ADAMTS3: variants seen among roughly 807,000 people sequenced by gnomAD.
The protein encoded by ADAMTS3 is A disintegrin and metalloproteinase with thrombospondin motifs 3.
ADAMTS3 carries 73 observed loss-of-function variants against 129.0 expected under a neutral mutation model. The ratio of observed to expected loss-of-function variants is 0.57; its 90% CI spans 0.47 to 0.69. The LOEUF is 0.69. ADAMTS3 is among the 30% of genes least tolerant of loss of function. The probability of loss-of-function intolerance (pLI) is 0.00; values close to 1 mark genes in which losing one functional copy is unlikely to be tolerated. For synonymous variants in ADAMTS3, 477 were observed against 510.8 expected (o/e 0.93, Z 0.89); for missense variants, 1,457 against 1,514.5 (o/e 0.96, Z 0.63).
At position 72,298,435 on chromosome 4, in the gene ADAMTS3, G is replaced by C. The variant is rs1293637413; in HGVS notation, c.2432C>G (p.Pro811Arg). 1 of 1,597,480 alleles carries C rather than the reference G, an allele frequency of 6.3e-7. No individual in the cohort carries two copies. Among genetic ancestry groups the C allele is most frequent in the Non-Finnish European group, 8.6e-7 (1 of 1,169,548 alleles). The change falls in exon 18 of 22, where the codon CCT becomes CGT. Residue 811 changes from proline (P) to arginine (R), a missense_variant. Pro to Arg is a moderately radical substitution (Grantham distance 103). Transcript: ENST00000286657. ...GCTAGAGCGGGTATCATTTTCTTGAGGTATAATCTAACATACACATGAAAT... is the reference window on the plus strand; with the variant it reads ...GCTAGAGCGGGTATCATTTTCTTGACGTATAATCTAACATACACATGAAAT... Reference protein sequence around the residue: ...LHDPVIVLIIPQENDTRSSLT... With the variant: ...LHDPVIVLIIRQENDTRSSLT...
chr4:72,291,155 G>C, intron 19 of ADAMTS3, 93 bp from the exon 20 acceptor site: 1 of 1,375,342 alleles, frequency 7.3e-7, no homozygotes, highest in Non-Finnish European at 1.0e-6. Context: ...TGCTCTCTAA[G>C]TGACTTGCAA....
At chr4:72,386,212 A>G (rs985242407) in intron 4 of ADAMTS3, among the ~76,000 whole-genome samples, 2 of 152,196 alleles carry the variant, frequency 1.3e-5, no homozygotes, top group African/African-American at 4.8e-5. Flanking sequence ...TCCTAAAATC[A>G]GTAACCAAAA....
chr4:72,409,763 TAA>T (rs1303397285), intron 4 of ADAMTS3, among the ~76,000 whole-genome samples: 2 of 152,198 alleles, frequency 1.3e-5, no homozygotes, highest in African/African-American at 4.8e-5. Context: ...TTTTATGTAA[TAA>T]GTCAATCTTC....
Position 72,309,678 on chromosome 4 carries a change from A to T in ADAMTS3, c.2056-158T>A, listed in dbSNP as rs113667758. Among the ~76,000 whole-genome samples, 253 of 151,862 alleles carry T rather than the reference A, an allele frequency of 1.7e-3. 4 individuals are homozygous for T. The highest frequency in any genetic ancestry group is 4.7e-3 in the African/African-American group (194 of 41,446). ...ATAATTTTTAATACCTCAGTTTTTT[A>T]AAAAAAATAATGGGAAACCAAATGA... On this transcript the variant is annotated intron_variant, in intron 14 of 21. Transcript: ENST00000286657.
chr4:72,446,071 A>C (rs992301701), intron 3 of ADAMTS3, among the ~76,000 whole-genome samples: 7 of 151,680 alleles, frequency 4.6e-5, no homozygotes, highest in African/African-American at 1.7e-4. Flanking sequence ...TCCCTCATTG[A>C]CTCAGTTGCT....
At chr4:72,400,895 T>A (rs998906396) in intron 4 of ADAMTS3, among the ~76,000 whole-genome samples, 3 of 150,326 alleles carry the variant, frequency 2.0e-5, no homozygotes, top group African/African-American at 7.3e-5. Flanking sequence ...ATATATATAT[T>A]GGACATACAT....
At chr4:72,416,106 AT>A (rs1722296886) in intron 3 of ADAMTS3, among the ~76,000 whole-genome samples, 1 of 150,266 alleles carries the variant, frequency 6.7e-6, no homozygotes, top group South Asian at 2.1e-4. Context: ...CCATTATGCT[AT>A]CAAGCAACAT....
intron 5 of ADAMTS3, among the ~76,000 whole-genome samples, chr4:72,333,848 C>T (rs370121990): frequency 3.9e-4 from 39 of 99,456 alleles, no homozygotes; most frequent in African/African-American, 5.5e-4. Context: ...TGTTTGCTTG[C>T]TTTTTTTTTT....
In ADAMTS3 at chr4:72,283,618, A is replaced by T. The variant is rs766093860; in HGVS notation, c.3136T>A (p.Cys1046Ser). 6.2e-7 allele frequency: 1 copy of T among 1,614,048 alleles called. No homozygotes were observed. Among genetic ancestry groups the T allele is most frequent in the South Asian group, 1.1e-5 (1 of 91,088 alleles). ...YCSIPGYNKL[C>S]CESCSKRSST... ...CTGCGCTTGCTGCAGGACTCACAACATAACTTGTTATAACCTGGTATGGAG... is the reference window on the plus strand; with the variant it reads ...CTGCGCTTGCTGCAGGACTCACAACTTAACTTGTTATAACCTGGTATGGAG... The change falls in exon 22 of 22, where the codon TGT becomes AGT. Residue 1046 changes from cysteine to serine, a missense_variant. Coordinates refer to ENST00000286657, the MANE Select transcript of ADAMTS3 (RefSeq NM_014243.3).
chr4:72,484,136 T>C (rs1478187768), intron 3 of ADAMTS3, among the ~76,000 whole-genome samples: 1 of 152,204 alleles, frequency 6.6e-6, no homozygotes, highest in Admixed American at 6.5e-5. Flanking sequence ...CCAATCTTAC[T>C]GTCCTTCCTT....
At chr4:72,289,230 T>A (rs1237304756) in intron 20 of ADAMTS3, among the ~76,000 whole-genome samples, 1 of 152,120 alleles carries the variant, frequency 6.6e-6, no homozygotes, top group East Asian at 1.9e-4. Flanking sequence ...AGTAAGCATA[T>A]CATATGAAAG....
chr4:72,291,741 T>A (rs556081874), intron 19 of ADAMTS3, among the ~76,000 whole-genome samples: 9 of 152,062 alleles, frequency 5.9e-5, no homozygotes, highest in Admixed American at 2.0e-4. Context: ...AGAAGCATGA[T>A]TTATAGTCCT....
chr4:72,538,096 G>T (rs1721226717), intron 3 of ADAMTS3, among the ~76,000 whole-genome samples: 1 of 152,020 alleles, frequency 6.6e-6, no homozygotes, highest in Admixed American at 6.6e-5. Flanking sequence ...GTCTGAGAAA[G>T]AAAAAAGATT....
At chr4:72,315,244 T>C (rs1719360687) in intron 11 of ADAMTS3, among the ~76,000 whole-genome samples, 1 of 152,198 alleles carries the variant, frequency 6.6e-6, no homozygotes, top group Admixed American at 6.5e-5. Context: ...TGAATGGTAG[T>C]CCCAAAGATA....
chr4:72,301,968 G>A (rs1262520280), intron 17 of ADAMTS3, among the ~76,000 whole-genome samples: 5 of 152,034 alleles, frequency 3.3e-5, no homozygotes, highest in Admixed American at 2.0e-4. Context: ...GGGAGTGCTG[G>A]GGGTGGGACA....
intron 5 of ADAMTS3, among the ~76,000 whole-genome samples, chr4:72,333,146 G>A (rs1302796045): frequency 6.6e-6 from 1 of 152,134 alleles, no homozygotes; most frequent in Non-Finnish European, 1.5e-5. Flanking sequence ...TGTACATAAA[G>A]TATTTATCAG....
intron 3 of ADAMTS3, among the ~76,000 whole-genome samples, chr4:72,512,998 AG>A (rs1349637526): frequency 6.6e-6 from 1 of 152,104 alleles, no homozygotes; most frequent in East Asian, 1.9e-4. Flanking sequence ...ATCATACTTC[AG>A]CTCTCCTCTC....
chr4:72,341,040 C>G lies in ADAMTS3; in HGVS notation c.662-1347G>C, dbSNP rs7699488. ...GCTTGTTAGCCATTTGAGTCAGCAT[C>G]TGACATTAATAAATAGGTATTGTCC... On this transcript the variant is annotated intron_variant, in intron 4 of 21. Transcript: ENST00000286657. 1.5e-3 allele frequency among the ~76,000 whole-genome samples: 221 copies of G among 152,276 alleles called. 1 individual carries two copies. The highest frequency in any genetic ancestry group is 5.1e-3 in the African/African-American group (213 of 41,568).
At position 72,282,223 on chromosome 4, in the gene ADAMTS3, A is replaced by G. The variant is rs1718367896; in HGVS notation, c.*913T>C. On this transcript the variant is annotated 3_prime_UTR_variant, in exon 22 of 22. Coordinates refer to ENST00000286657, the MANE Select transcript of ADAMTS3 (RefSeq NM_014243.3). ...GCGAAAATTAAAAAAGAACACACAC[A>G]CACAAAAACAAAGGACACCTCAACG... 1 of 152,164 alleles carries G rather than the reference A, an allele frequency of 6.6e-6. No homozygotes were observed. The highest frequency in any genetic ancestry group is 2.4e-5 in the African/African-American group (1 of 41,448). 9.4% of individuals were successfully genotyped at this position (152,164 alleles called of 1,614,324 possible). A position where few individuals can be genotyped will look rare whatever the true frequency, so the allele number is the denominator to read the frequency against.
Sources: gnomAD v4.1 joint callset for allele counts (sites outside exome capture counted in the v4.1 genomes callset) on GRCh38, gnomAD v4.1.1 for gene constraint, MANE v1.5 for transcripts, NCBI Gene and HGNC (gene_info 2026-07-23, HGNC 2026-07-21) for gene names.